THSD7B: variants seen among roughly 807,000 people sequenced by gnomAD.
The protein encoded by THSD7B is thrombospondin type 1 domain containing 7B, also known as thrombospondin type-1 domain-containing protein 7B.
A neutral mutation model predicts 213.6 loss-of-function variants in THSD7B; 138 were observed. The observed-to-expected ratio is 0.65, with a 90% CI of 0.56 to 0.74. The LOEUF is 0.74. Ranked by LOEUF, THSD7B falls within the 30% of genes least tolerant of loss-of-function variation. The pLI is 0.00. For synonymous variants in THSD7B, 742 were observed against 687.0 expected, an observed-to-expected ratio of 1.08 and a Z score of -1.25; for missense variants, 1,931 against 1,991.5, an observed-to-expected ratio of 0.97 and a Z score of 0.58.
At chr2:137,205,964 C>T (rs1031245582) in intron 7 of THSD7B, among the ~76,000 whole-genome samples, 9 of 151,642 alleles carry the variant, frequency 5.9e-5, no homozygotes, top group African/African-American at 2.2e-4. Flanking sequence ...AACTTATTTT[C>T]TTCTATTACT....
intron 4 of THSD7B, among the ~76,000 whole-genome samples, chr2:137,098,123 C>T (rs1688075165): frequency 6.6e-6 from 1 of 152,170 alleles, no homozygotes; most frequent in Admixed American, 6.5e-5. Context: ...ATTCTCGTTT[C>T]CTTTCACAGA....
intron 12 of THSD7B, among the ~76,000 whole-genome samples, chr2:137,389,860 T>TA (rs1685981270): frequency 6.6e-6 from 1 of 152,140 alleles, no homozygotes; most frequent in Non-Finnish European, 1.5e-5. Context: ...AGTACCTTTG[T>TA]AAAAAATCTA....
chr2:137,124,927 A>G (rs1327188941), intron 5 of THSD7B, among the ~76,000 whole-genome samples: 2 of 151,882 alleles, frequency 1.3e-5, no homozygotes, highest in Non-Finnish European at 2.9e-5. Flanking sequence ...AACTGTAGTC[A>G]CCATGAAGCA....
At chr2:137,129,052 T>A (rs1236435173) in intron 5 of THSD7B, among the ~76,000 whole-genome samples, 2 of 152,096 alleles carry the variant, frequency 1.3e-5, no homozygotes, top group Admixed American at 1.3e-4. Flanking sequence ...GCCACGTGGC[T>A]TTTTTTCATG....
chr2:137,420,117 T>C (rs992089502), intron 14 of THSD7B, among the ~76,000 whole-genome samples: 2 of 152,168 alleles, frequency 1.3e-5, no homozygotes, highest in African/African-American at 4.8e-5. Flanking sequence ...TGTTATTCCC[T>C]GTCTTTTAGA....
At chr2:136,806,961 A>G (rs558693525) in intron 1 of THSD7B, among the ~76,000 whole-genome samples, 16 of 152,216 alleles carry the variant, frequency 1.1e-4, no homozygotes, top group African/African-American at 3.9e-4. Context: ...TATTTTTCTC[A>G]TGATTAGACT....
At chr2:136,800,384 C>T (rs1393858253) in intron 1 of THSD7B, among the ~76,000 whole-genome samples, 1 of 151,918 alleles carries the variant, frequency 6.6e-6, no homozygotes, top group Non-Finnish European at 1.5e-5. Flanking sequence ...TCTCCATCAT[C>T]TCAAGGCTTA....
intron 7 of THSD7B, among the ~76,000 whole-genome samples, chr2:137,210,783 G>A (rs979789833): frequency 2.2e-5 from 3 of 136,614 alleles, no homozygotes; most frequent in African/African-American, 8.4e-5. Flanking sequence ...TTTGTATTAT[G>A]TCATTTAATG....
At chr2:137,251,251 C>T (rs534465311) in intron 10 of THSD7B, among the ~76,000 whole-genome samples, 7 of 152,276 alleles carry the variant, frequency 4.6e-5, no homozygotes, top group South Asian at 2.1e-4. Context: ...TATGTGACGA[C>T]GTTGGCCACA....
chr2:137,327,092 T>A (rs2104887354), intron 12 of THSD7B, among the ~76,000 whole-genome samples: 1 of 152,334 alleles, frequency 6.6e-6, no homozygotes, highest in East Asian at 1.9e-4. Context: ...AGTGAGTAGT[T>A]ATTTGTCATC....
At chr2:137,625,661 C>A (rs1682611342) in intron 20 of THSD7B, among the ~76,000 whole-genome samples, 1 of 152,304 alleles carries the variant, frequency 6.6e-6, no homozygotes, top group South Asian at 2.1e-4. Context: ...TATGGCTTTG[C>A]TGAGTGCAGC....
At chr2:137,218,836 A>C (rs925593670) in intron 7 of THSD7B, among the ~76,000 whole-genome samples, 1 of 152,026 alleles carries the variant, frequency 6.6e-6, no homozygotes, top group Non-Finnish European at 1.5e-5. Flanking sequence ...GGTTGGTTTT[A>C]CTAAAGACTG....
intron 17 of THSD7B, among the ~76,000 whole-genome samples, chr2:137,581,946 A>C (rs1176622604): frequency 6.6e-6 from 1 of 151,368 alleles, no homozygotes; most frequent in Non-Finnish European, 1.5e-5. Context: ...AAATACAAAA[A>C]TTAGCCAGAT....
chr2:136,807,578 C>T (rs1160713473), intron 1 of THSD7B, among the ~76,000 whole-genome samples: 1 of 138,894 alleles, frequency 7.2e-6, no homozygotes, highest in South Asian at 2.4e-4. Context: ...ACAATCTTGG[C>T]TCGCTGCAAG....
Position 136,962,403 on chromosome 2 carries a change from CTTT to C in THSD7B, c.139+80109_139+80111del, listed in dbSNP as rs71400559. On this transcript the variant is annotated intron_variant, in intron 2 of 27. Transcript: ENST00000409968. ...AACACACTATACATAAATCTGTTAT[CTTT>C]TTTTTTTTTTTTTTTTTTTTTTACA... 5.2e-3 allele frequency among the ~76,000 whole-genome samples: 516 copies of C among 100,160 alleles called. 2 individuals are homozygous for C. The highest frequency in any genetic ancestry group is 0.015 in the African/African-American group (397 of 25,990). The allele number at this position is 100,160 out of a possible 152,430, so 65.7% of individuals were successfully genotyped here.
chr2:137,036,523 C>T (rs1686779102), intron 2 of THSD7B, among the ~76,000 whole-genome samples: 1 of 152,098 alleles, frequency 6.6e-6, no homozygotes, highest in Admixed American at 6.6e-5. Flanking sequence ...ACTATTATGG[C>T]TTATAAATAT....
In THSD7B at chr2:136,878,028, G is replaced by A. The variant is rs140386662; in HGVS notation, c.-35-4116G>A. Among the ~76,000 whole-genome samples, 1,440 of 151,892 alleles carry A rather than the reference G, an allele frequency of 9.5e-3. 32 individuals carry two copies. The highest frequency in any genetic ancestry group is 0.033 in the African/African-American group (1,385 of 41,424). ...GATGGTGTGCTGCACCCATTAACTC[G>A]TCATTTACATTAGGTATATCTCCTA... On this transcript the variant is annotated intron_variant, in intron 1 of 27. Coordinates refer to ENST00000409968, the MANE Select transcript of THSD7B (RefSeq NM_001316349.2).
intron 5 of THSD7B, among the ~76,000 whole-genome samples, chr2:137,129,694 A>G (rs560851474): frequency 3.3e-5 from 5 of 152,038 alleles, no homozygotes; most frequent in South Asian, 2.1e-4. Flanking sequence ...TCCTGCCTCA[A>G]CCTCCCAAAA....
chr2:136,791,182 A>T (rs1681958226), intron 1 of THSD7B, among the ~76,000 whole-genome samples: 4 of 152,064 alleles, frequency 2.6e-5, no homozygotes, highest in Admixed American at 2.6e-4. Context: ...AAATAGAAAG[A>T]TATAGCAACT....
Sources: allele counts gnomAD v4.1 joint callset (sites outside exome capture counted in the v4.1 genomes callset), GRCh38; gene constraint gnomAD v4.1.1; transcripts MANE v1.5; gene names NCBI Gene and HGNC (gene_info 2026-07-23, HGNC 2026-07-21).